Variants in RALGPS2 observed in about 807,000 individuals in gnomAD.
RALGPS2 encodes Ral GEF with PH domain and SH3 binding motif 2.
RALGPS2 carries 43 observed loss-of-function variants against 86.8 expected under a neutral mutation model. The observed-to-expected ratio is 0.50, with a 90% CI of 0.39 to 0.64. The LOEUF is 0.64. Ranked by LOEUF, RALGPS2 falls within the 30% of genes least tolerant of loss-of-function variation. RALGPS2 has a pLI of 0.00. For synonymous variants in RALGPS2, 243 were observed against 231.3 expected (o/e 1.05, Z -0.46); for missense variants, 536 against 694.6 (o/e 0.77, Z 2.57).
rs925437135 is a variant in RALGPS2 at position 178,897,832 on chromosome 1, G to A, written c.1524+76G>A. On this transcript the variant is annotated intron_variant, in intron 17 of 19. Coordinates refer to ENST00000367635, the MANE Select transcript of RALGPS2 (RefSeq NM_152663.5). ...GTTATAAAGAAAGCAGTCCTAATGG[G>A]ATACAAAGGTTTTTTGGGTTTGCCT... is the stretch of plus-strand genomic sequence containing the variant. 7.3e-6 allele frequency: 9 copies of A among 1,234,436 alleles called. No homozygotes were observed. The Admixed American group carries it at 1.9e-4, about 26-fold the overall frequency. 76.5% of individuals were successfully genotyped at this position (1,234,436 alleles called of 1,614,324 possible).
chr1:178,892,205 T>C (rs1659741778), intron 14 of RALGPS2, 25 bp from the exon 15 acceptor site: 3 of 1,593,250 alleles, frequency 1.9e-6, no homozygotes, highest in African/African-American at 1.3e-5. Context: ...ATGTAATATA[T>C]ACAATTTATA....
At chr1:178,785,996 AC>A (rs1653632392) in intron 4 of RALGPS2, among the ~76,000 whole-genome samples, 1 of 152,130 alleles carries the variant, frequency 6.6e-6, no homozygotes, top group Non-Finnish European at 1.5e-5. Context: ...CTCGGTTCTT[AC>A]AATAAACTAG....
chr1:178,759,456 A>G (rs1326613124), intron 1 of RALGPS2, among the ~76,000 whole-genome samples: 1 of 150,340 alleles, frequency 6.7e-6, no homozygotes, highest in Non-Finnish European at 1.5e-5. Context: ...TTATGCCAGT[A>G]CATGCTGTTT....
At position 178,784,531 on chromosome 1, in the gene RALGPS2, C is replaced by T; in HGVS notation, c.162+9C>T. On this transcript the variant is annotated intron_variant, in intron 3 of 19. Coordinates refer to ENST00000367635, the MANE Select transcript of RALGPS2 (RefSeq NM_152663.5). ...CACCAGAAGAATATGCGGTAAGCCTCCTACCTCTGTCTTCTCCGGTTTTGC... is the reference window on the plus strand; with the variant it reads ...CACCAGAAGAATATGCGGTAAGCCTTCTACCTCTGTCTTCTCCGGTTTTGC... 5.1e-6 allele frequency: 8 copies of T among 1,558,450 alleles called. No homozygotes were observed. Among genetic ancestry groups the T allele is most frequent in the Non-Finnish European group, 7.0e-6 (8 of 1,142,102 alleles).
chr1:178,785,225 G>A (rs1383316862), intron 3 of RALGPS2, among the ~76,000 whole-genome samples: 1 of 151,886 alleles, frequency 6.6e-6, no homozygotes, highest in Non-Finnish European at 1.5e-5. Context: ...ACTGTTTGAG[G>A]AGCTGTAATC....
intron 4 of RALGPS2, among the ~76,000 whole-genome samples, chr1:178,793,386 C>T (rs951167150): frequency 6.8e-6 from 1 of 147,290 alleles, no homozygotes; most frequent in South Asian, 2.2e-4. Flanking sequence ...GAATTTCGAT[C>T]AAAACCACAG....
intron 8 of RALGPS2, among the ~76,000 whole-genome samples, chr1:178,837,932 T>C (rs1190373691): frequency 6.6e-6 from 1 of 152,194 alleles, no homozygotes; most frequent in Non-Finnish European, 1.5e-5. Flanking sequence ...TGTTCATTGC[T>C]AGCACAGCCA....
chr1:178,760,847 GGA>G, intron 1 of RALGPS2, among the ~76,000 whole-genome samples: 1 of 151,970 alleles, frequency 6.6e-6, no homozygotes, highest in East Asian at 1.9e-4. Context: ...GCAAGATTAG[GGA>G]AATTTTCTTG....
intron 8 of RALGPS2, among the ~76,000 whole-genome samples, chr1:178,848,993 T>C (rs1425363750): frequency 1.3e-5 from 2 of 152,184 alleles, no homozygotes; most frequent in Non-Finnish European, 2.9e-5. Context: ...ATGATTTGTA[T>C]TGCAGAAAGT....
At chr1:178,859,793 G>T (rs1290475580) in intron 8 of RALGPS2, among the ~76,000 whole-genome samples, 1 of 113,894 alleles carries the variant, frequency 8.8e-6, no homozygotes, top group Admixed American at 9.3e-5. Flanking sequence ...TGCCTCCCGG[G>T]TTCATGCCAT....
chr1:178,825,322 A>C (rs373359496), intron 7 of RALGPS2, among the ~76,000 whole-genome samples: 1 of 152,138 alleles, frequency 6.6e-6, no homozygotes, highest in African/African-American at 2.4e-5. Flanking sequence ...CAGATGAGGA[A>C]ACTAAGCCAA....
chr1:178,734,802 TAACTA>T (rs1650581389), intron 1 of RALGPS2, among the ~76,000 whole-genome samples: 1 of 152,110 alleles, frequency 6.6e-6, no homozygotes, highest in Non-Finnish European at 1.5e-5. Context: ...AGGGAAAAAA[TAACTA>T]AAGGTGTTGA....
In RALGPS2 at chr1:178,757,032, A is replaced by G. The variant is rs955957991; in HGVS notation, c.-83-19650A>G. ...CCTTGGTATTTGTTTGTTTGTTTCT[A>G]TGTATTCCTAGGTATTTTGTTGTTG... On this transcript the variant is annotated intron_variant, in intron 1 of 19. Coordinates refer to ENST00000367635, the MANE Select transcript of RALGPS2 (RefSeq NM_152663.5). Among the ~76,000 whole-genome samples the G allele has an allele frequency of 8.6e-5, 13 of 151,980 alleles. No individual in the cohort carries two copies. The East Asian group carries it at 1.7e-3, about 20-fold the overall frequency.
intron 10 of RALGPS2, among the ~76,000 whole-genome samples, chr1:178,881,301 G>T (rs1055446929): frequency 6.6e-6 from 1 of 152,130 alleles, no homozygotes; most frequent in Non-Finnish European, 1.5e-5. Context: ...ATCTTAACAG[G>T]TGAGTGGGAG....
chr1:178,812,114 T>C (rs778449255), intron 6 of RALGPS2, among the ~76,000 whole-genome samples: 39 of 152,124 alleles, frequency 2.6e-4, no homozygotes, highest in Non-Finnish European at 4.9e-4. Flanking sequence ...TACATGTGCA[T>C]AGGAGTCATA....
intron 8 of RALGPS2, chr1:178,853,539 A>C: frequency 7.4e-7 from 1 of 1,345,460 alleles, no homozygotes; most frequent in South Asian, 1.8e-5. Flanking sequence ...TGTTTCTTGC[A>C]TTATTGCAAG....
intron 7 of RALGPS2, among the ~76,000 whole-genome samples, chr1:178,826,787 A>C (rs1655765038): frequency 6.6e-6 from 1 of 152,234 alleles, no homozygotes; most frequent in Admixed American, 6.5e-5. Context: ...ATTTAAAAGG[A>C]CATCGTTTAC....
At chr1:178,731,271 G>GTTTTTTTTTTTTTTTTTT (rs1491268143) in intron 1 of RALGPS2, among the ~76,000 whole-genome samples, 2 of 69,380 alleles carry the variant, frequency 2.9e-5, no homozygotes, top group African/African-American at 1.0e-4. Context: ...TAGTTGTTTT[G>GTTTTTTTTTTTTTTTTTT]GTTTTTTTTT....
intron 1 of RALGPS2, among the ~76,000 whole-genome samples, chr1:178,771,292 A>C (rs6693283): frequency 0.63 from 95,296 of 152,106 alleles, 30,539 homozygotes; most frequent in African/African-American, 0.77. Context: ...ATATCTCTTG[A>C]GTTTCCTTTA....
Sources: gnomAD v4.1 joint callset for allele counts (sites outside exome capture counted in the v4.1 genomes callset) on GRCh38, gnomAD v4.1.1 for gene constraint, MANE v1.5 for transcripts, NCBI Gene and HGNC (gene_info 2026-07-23, HGNC 2026-07-21) for gene names.